The following SNX9 variants were observed in gnomAD, a reference collection of about 807,000 sequenced individuals.
SNX9 encodes sorting nexin-9.
Under a neutral mutation model 89.4 loss-of-function variants are expected in SNX9, and 44 were observed. That is an observed-to-expected ratio of 0.49 (90% CI 0.39 to 0.63). The LOEUF is 0.63. Among genes scored for constraint, SNX9 ranks in the 30% least tolerant of loss-of-function variants. SNX9 has a pLI of 0.00. For synonymous variants in SNX9, 236 were observed against 247.8 expected, an observed-to-expected ratio of 0.95 and a Z score of 0.45; for missense variants, 578 against 736.1, an observed-to-expected ratio of 0.79 and a Z score of 2.49.
chr6:157,900,528 C>G (rs1050092197), intron 5 of SNX9, among the ~76,000 whole-genome samples: 2 of 152,052 alleles, frequency 1.3e-5, no homozygotes, highest in African/African-American at 4.8e-5. Flanking sequence ...CCGGGGGGGT[C>G]ACTGCCTTCT....
intron 9 of SNX9, among the ~76,000 whole-genome samples, chr6:157,913,224 T>C (rs1783386404): frequency 6.6e-6 from 1 of 151,722 alleles, no homozygotes; most frequent in Admixed American, 6.5e-5. Flanking sequence ...GTGTCTAGAC[T>C]CATTGTTCTG....
At chr6:157,926,387 T>A (rs1783691954) in intron 10 of SNX9, among the ~76,000 whole-genome samples, 4 of 152,104 alleles carry the variant, frequency 2.6e-5, no homozygotes, top group Admixed American at 2.6e-4. Context: ...TTAATATTTT[T>A]AAAAAAATAG....
intron 4 of SNX9, among the ~76,000 whole-genome samples, chr6:157,881,239 C>G (rs927642924): frequency 2.6e-5 from 4 of 152,096 alleles, no homozygotes; most frequent in African/African-American, 9.7e-5. Flanking sequence ...TTTGATGATT[C>G]ATGATGAGTG....
At chr6:157,854,764 G>A (rs1042444929) in intron 1 of SNX9, among the ~76,000 whole-genome samples, 122 of 152,162 alleles carry the variant, frequency 8.0e-4, no homozygotes, top group African/African-American at 2.7e-3. Context: ...GGCCTTTAAT[G>A]CAGATTCTGT....
intron 10 of SNX9, 120 bp downstream of exon 10, chr6:157,921,781 C>T: frequency 8.7e-7 from 1 of 1,151,212 alleles, no homozygotes; most frequent in Non-Finnish European, 1.2e-6. Context: ...CCTCCAGTGA[C>T]AGTGAGGGGA....
chr6:157,899,074 G>T (rs1783039190), intron 5 of SNX9, among the ~76,000 whole-genome samples: 1 of 151,020 alleles, frequency 6.6e-6, no homozygotes, highest in Non-Finnish European at 1.5e-5. Context: ...AAGGAGGAGA[G>T]CCCACAGGGG....
chr6:157,873,805 GA>G (rs1207418666), intron 3 of SNX9, among the ~76,000 whole-genome samples: 9 of 151,898 alleles, frequency 5.9e-5, no homozygotes, highest in Admixed American at 5.9e-4. Flanking sequence ...TGTCTTGGGG[GA>G]GCTGCTGTGG....
intron 4 of SNX9, 65 bp downstream of exon 4, chr6:157,875,241 G>T: frequency 6.5e-7 from 1 of 1,547,742 alleles, no homozygotes; most frequent in East Asian, 2.3e-5. Flanking sequence ...ATTTGTGAAG[G>T]CTTGTGATGC....
intron 2 of SNX9, among the ~76,000 whole-genome samples, chr6:157,869,431 C>T (rs1782342595): frequency 6.6e-6 from 1 of 152,202 alleles, no homozygotes; most frequent in African/African-American, 2.4e-5. Context: ...TGATGCTCAG[C>T]CTACTCCTAC....
Position 157,944,017 on chromosome 6 carries a change from A to C in SNX9, c.*1179A>C, listed in dbSNP as rs2115229592. On this transcript the variant is annotated 3_prime_UTR_variant, in exon 18 of 18. Transcript: ENST00000392185. ...AGCGCCCTTCCCGACTACATCCGAA[A>C]CTTCACACAGGGTGTTTCTGAGCAC... is the stretch of plus-strand genomic sequence containing the variant. The C allele has an allele frequency of 6.6e-6, 1 of 152,446 alleles. No individual in the cohort carries two copies. Among genetic ancestry groups the C allele is most frequent in the East Asian group, 1.9e-4 (1 of 5,192 alleles). 9.4% of individuals were successfully genotyped at this position (152,446 alleles called of 1,614,324 possible).
rs1443559603 is a variant in SNX9 at position 157,897,147 on chromosome 6, C to T, written c.472+149C>T. 5.5e-6 allele frequency: 4 copies of T among 725,820 alleles called. No individual in the cohort carries two copies. In the East Asian group the frequency reaches 1.1e-4, roughly 21 times the overall value. The allele number at this position is 725,820 out of a possible 1,614,324, so 45.0% of individuals were successfully genotyped here. A position where few individuals can be genotyped will look rare whatever the true frequency, so the allele number is the denominator to read the frequency against. The stretch of plus-strand genomic sequence containing the variant: ...CATGGGAAGGGAGGATTGCCCCACC[C>T]ACCAAGCAGCTGTGCAGCAGACACC... On this transcript the variant is annotated intron_variant, in intron 5 of 17. Coordinates refer to ENST00000392185, the MANE Select transcript of SNX9 (RefSeq NM_016224.5).
intron 10 of SNX9, among the ~76,000 whole-genome samples, chr6:157,923,931 ATATTGT>A (rs1341966422): frequency 1.3e-5 from 2 of 152,184 alleles, no homozygotes; most frequent in African/African-American, 4.8e-5. Context: ...GTTGTTATTG[ATATTGT>A]TATGTTTTTA....
intron 1 of SNX9, among the ~76,000 whole-genome samples, chr6:157,865,726 T>A (rs1014605924): frequency 6.6e-6 from 1 of 152,274 alleles, no homozygotes; most frequent in Non-Finnish European, 1.5e-5. Flanking sequence ...AGATAGCATT[T>A]TGGCTTTTTT....
At chr6:157,893,317 A>G (rs1017883684) in intron 4 of SNX9, among the ~76,000 whole-genome samples, 11 of 152,338 alleles carry the variant, frequency 7.2e-5, no homozygotes, top group African/African-American at 2.4e-4. Context: ...TGGATGAAAC[A>G]TCTTTCTCCT....
intron 15 of SNX9, 93 bp from the exon 16 acceptor site, chr6:157,938,540 A>G: frequency 1.3e-6 from 1 of 774,894 alleles, no homozygotes; most frequent in Non-Finnish European, 2.1e-6. Flanking sequence ...TTCAGTAGCA[A>G]ATCAGTTATA....
intron 3 of SNX9, 114 bp from the exon 4 acceptor site, chr6:157,874,937 A>G: frequency 2.5e-6 from 3 of 1,221,394 alleles, no homozygotes; most frequent in South Asian, 3.8e-5. Flanking sequence ...GCTTACAGAG[A>G]AATTTGTAGC....
intron 9 of SNX9, among the ~76,000 whole-genome samples, chr6:157,916,280 C>T (rs140212807): frequency 8.1e-4 from 124 of 152,252 alleles, no homozygotes; most frequent in African/African-American, 2.6e-3. Context: ...ATGATTCACC[C>T]GCCTCGGCCT....
intron 3 of SNX9, among the ~76,000 whole-genome samples, chr6:157,873,396 G>A (rs1054872866): frequency 6.7e-6 from 1 of 150,022 alleles, no homozygotes; most frequent in Non-Finnish European, 1.5e-5. Context: ...CAGATATTTA[G>A]GTTAAGTTTC....
intron 1 of SNX9, among the ~76,000 whole-genome samples, chr6:157,858,624 G>C (rs1782060096): frequency 6.6e-6 from 1 of 152,158 alleles, no homozygotes. Flanking sequence ...AATCTACCTT[G>C]ATGTATTAGC....
Sources: gnomAD v4.1 joint callset for allele counts (sites outside exome capture counted in the v4.1 genomes callset) on GRCh38, gnomAD v4.1.1 for gene constraint, MANE v1.5 for transcripts, NCBI Gene and HGNC (gene_info 2026-07-23, HGNC 2026-07-21) for gene names.